The following STAG1 variants were observed in gnomAD, a reference collection of about 807,000 sequenced individuals.
The protein encoded by STAG1 is cohesin subunit SA-1.
In STAG1, 26 loss-of-function variants were observed where a neutral mutation model predicts 170.9. The ratio of observed to expected loss-of-function variants is 0.15; its 90% CI spans 0.11 to 0.21. The LOEUF (loss-of-function observed/expected upper bound fraction) is 0.21, where lower values mean the gene tolerates loss of function less well. STAG1 is among the 10% of genes least tolerant of loss of function. The pLI, the probability that STAG1 is intolerant of heterozygous loss-of-function variation, is 1.00. For synonymous variants in STAG1, 514 were observed against 497.7 expected (o/e 1.03, Z -0.44); for missense variants, 964 against 1,509.5 (o/e 0.64, Z 5.99).
intron 23 of STAG1, among the ~76,000 whole-genome samples, chr3:136,372,743 A>T (rs1042350542): frequency 6.6e-6 from 1 of 152,162 alleles, no homozygotes; most frequent in Non-Finnish European, 1.5e-5. Flanking sequence ...TGCTGGATTC[A>T]GTTTTCCAGT....
chr3:136,516,958 A>T (rs1285118544), intron 7 of STAG1, among the ~76,000 whole-genome samples: 1 of 152,240 alleles, frequency 6.6e-6, no homozygotes, highest in Non-Finnish European at 1.5e-5. Context: ...CTGAAGGCCA[A>T]ATAAAAAGAC....
intron 7 of STAG1, among the ~76,000 whole-genome samples, chr3:136,515,798 T>C (rs1224787926): frequency 2.6e-5 from 4 of 152,196 alleles, no homozygotes; most frequent in African/African-American, 9.7e-5. Context: ...CTTTATTTTA[T>C]GGGTAAAACT....
chr3:136,532,563 T>C (rs1019482183), intron 6 of STAG1, among the ~76,000 whole-genome samples: 1 of 152,168 alleles, frequency 6.6e-6, no homozygotes, highest in Non-Finnish European at 1.5e-5. Context: ...AACTCACTAA[T>C]ACACCATGAT....
intron 1 of STAG1, among the ~76,000 whole-genome samples, chr3:136,673,313 CTTAG>C (rs916845385): frequency 7.9e-5 from 12 of 152,134 alleles, no homozygotes; most frequent in African/African-American, 2.9e-4. Flanking sequence ...GCTGACAATT[CTTAG>C]TTATAGTTTG....
At chr3:136,749,132 T>G (rs1390681743) in intron 1 of STAG1, among the ~76,000 whole-genome samples, 1 of 152,204 alleles carries the variant, frequency 6.6e-6, no homozygotes, top group Non-Finnish European at 1.5e-5. Flanking sequence ...TAACGGGATA[T>G]CATTACGGTG....
Position 136,551,222 on chromosome 3 carries a change from A to T in STAG1, c.395-9027T>A, listed in dbSNP as rs868073550. 2.9e-3 allele frequency among the ~76,000 whole-genome samples: 357 copies of T among 121,294 alleles called. 3 individuals carry two copies. Among genetic ancestry groups the T allele is most frequent in the African/African-American group, 6.8e-3 (224 of 32,946 alleles). The allele number at this position is 121,294 out of a possible 152,430, so 79.6% of individuals were successfully genotyped here. On this transcript the variant is annotated intron_variant, in intron 5 of 33. Transcript: ENST00000383202. ...TTGAGAGAGAGTGAGAGAGAGAGAG[A>T]GAGAGAGAGAGAGAGAGAGAGAGAG...
chr3:136,486,080 G>C (rs761794692), intron 9 of STAG1, among the ~76,000 whole-genome samples: 9 of 152,106 alleles, frequency 5.9e-5, no homozygotes, highest in Non-Finnish European at 8.8e-5. Flanking sequence ...TTCAGTGAGT[G>C]GCAACAAATA....
rs1253851943 is a variant in STAG1, at chr3:136,439,213, A to C, written c.1546+4074T>G. Among the ~76,000 whole-genome samples, 15 of 24,858 alleles carry C rather than the reference A, an allele frequency of 6.0e-4. No homozygotes were observed. The South Asian group carries it at 0.016, about 27-fold the overall frequency. 16.3% of individuals were successfully genotyped at this position (24,858 alleles called of 152,430 possible). On this transcript the variant is annotated intron_variant, in intron 15 of 33. Coordinates refer to ENST00000383202, the MANE Select transcript of STAG1 (RefSeq NM_005862.3). ...CAGACTCAAAAAAAAAAAAAAAAAA[A>C]CCCATAAAAAAAAAAATAAAGTTTC...
At chr3:136,347,839 GATAA>G (rs896454008) in intron 29 of STAG1, among the ~76,000 whole-genome samples, 22 of 152,282 alleles carry the variant, frequency 1.4e-4, no homozygotes, top group East Asian at 1.9e-4. Context: ...GAACTGACAG[GATAA>G]ATACTCTGCT....
chr3:136,530,371 T>C (rs1559862612), intron 6 of STAG1, among the ~76,000 whole-genome samples: 1 of 152,148 alleles, frequency 6.6e-6, no homozygotes, highest in Non-Finnish European at 1.5e-5. Flanking sequence ...CAAATAGACT[T>C]GACATTTATA....
At chr3:136,550,041 T>C (rs1230972169) in intron 5 of STAG1, among the ~76,000 whole-genome samples, 2 of 152,172 alleles carry the variant, frequency 1.3e-5, no homozygotes, top group African/African-American at 2.4e-5. Context: ...TTTAGGACTT[T>C]TTGCATATAT....
At chr3:136,400,095 G>A (rs2087275617) in intron 21 of STAG1, among the ~76,000 whole-genome samples, 1 of 151,818 alleles carries the variant, frequency 6.6e-6, no homozygotes, top group Non-Finnish European at 1.5e-5. Flanking sequence ...GTTAATTTTT[G>A]TATTTTGAGT....
At chr3:136,566,634 A>G (rs1436212728) in intron 5 of STAG1, among the ~76,000 whole-genome samples, 2 of 152,218 alleles carry the variant, frequency 1.3e-5, no homozygotes, top group East Asian at 1.9e-4. Context: ...CACTTTGTTG[A>G]AAAGGCTAAG....
At chr3:136,585,987 T>C (rs1323924799) in intron 4 of STAG1, among the ~76,000 whole-genome samples, 1 of 152,218 alleles carries the variant, frequency 6.6e-6, no homozygotes, top group Non-Finnish European at 1.5e-5. Context: ...ATCTCATTTA[T>C]ACCTGGATAT....
At chr3:136,416,426 C>T (rs1200340876) in intron 21 of STAG1, among the ~76,000 whole-genome samples, 1 of 152,162 alleles carries the variant, frequency 6.6e-6, no homozygotes. Flanking sequence ...ACAAAGACGA[C>T]AACACTGTGA....
At chr3:136,468,686 A>C (rs950649743) in intron 12 of STAG1, among the ~76,000 whole-genome samples, 1 of 152,202 alleles carries the variant, frequency 6.6e-6, no homozygotes, top group Non-Finnish European at 1.5e-5. Flanking sequence ...ATAACAAAAA[A>C]AGAGAATTTT....
chr3:136,497,007 T>C (rs1576532501), intron 9 of STAG1, among the ~76,000 whole-genome samples: 2 of 151,704 alleles, frequency 1.3e-5, no homozygotes, highest in East Asian at 3.9e-4. Flanking sequence ...ACCACCAAGA[T>C]GAATGTACCA....
At chr3:136,748,763 AAAT>A (rs1935079270) in intron 1 of STAG1, among the ~76,000 whole-genome samples, 1 of 152,138 alleles carries the variant, frequency 6.6e-6, no homozygotes, top group South Asian at 2.1e-4. Context: ...ATGAAAGAAA[AAAT>A]AATTATACAA....
At chr3:136,665,651 G>C (rs1474898996) in intron 1 of STAG1, among the ~76,000 whole-genome samples, 3 of 151,276 alleles carry the variant, frequency 2.0e-5, no homozygotes, top group African/African-American at 4.9e-5. Context: ...GTAGTGGCAG[G>C]CGCCTGTAGT....
Sources: allele counts gnomAD v4.1 joint callset (sites outside exome capture counted in the v4.1 genomes callset), GRCh38; gene constraint gnomAD v4.1.1; transcripts MANE v1.5; gene names NCBI Gene and HGNC (gene_info 2026-07-23, HGNC 2026-07-21).